Variants in CELSR2 observed in about 807,000 individuals in gnomAD.
CELSR2 encodes EGF-like protein 2.
Under a neutral mutation model 251.6 loss-of-function variants are expected in CELSR2, and 81 were observed. The ratio of observed to expected loss-of-function variants is 0.32; its 90% CI spans 0.27 to 0.39. The LOEUF is 0.39. Among genes scored for constraint, CELSR2 ranks in the 10% least tolerant of loss-of-function variants. The probability of loss-of-function intolerance (pLI) is 1.00; values close to 1 mark genes in which losing one functional copy is unlikely to be tolerated. For missense variants in CELSR2, 3,365 were observed against 3,947.7 expected (o/e 0.85, Z 3.96); for synonymous variants, 1,721 against 1,670.5 (o/e 1.03, Z -0.74).
Position 109,268,979 on chromosome 1 carries a change from C to T in CELSR2, c.6602C>T (p.Thr2201Ile). ...GAGCAGCCCCCGGACCTTGAGACAACAGTCATTCTGCCTGAGTCTGTCTTC... is the reference window on the plus strand; with the variant it reads ...GAGCAGCCCCCGGACCTTGAGACAATAGTCATTCTGCCTGAGTCTGTCTTC... ...RGEQPPDLETTVILPESVFRE... is the reference protein window; with the variant it reads ...RGEQPPDLETIVILPESVFRE... The change falls in exon 19 of 34, where the codon ACA becomes ATA. Residue 2201 changes from threonine (T) to isoleucine (I), a missense_variant. Around this residue, in one of 5 missense-constraint regions of CELSR2, gnomAD observed 2,093 missense variants for 2,382.8 expected, o/e 0.88. Coordinates refer to ENST00000271332, the MANE Select transcript of CELSR2 (RefSeq NM_001408.3). 6.2e-7 allele frequency: 1 copy of T among 1,613,374 alleles called. No individual in the cohort carries two copies. The highest frequency in any genetic ancestry group is 1.1e-5 in the South Asian group (1 of 91,034).
chr1:109,272,182 G>A (rs1466319372), intron 28 of CELSR2, 96 bp from the exon 29 acceptor site: 10 of 1,438,096 alleles, frequency 7.0e-6, no homozygotes, highest in Non-Finnish European at 6.6e-6. Flanking sequence ...CATGTGGAAG[G>A]TGGAACTTAG....
intron 1 of CELSR2, among the ~76,000 whole-genome samples, chr1:109,255,188 C>G: frequency 6.6e-6 from 1 of 152,204 alleles, no homozygotes; most frequent in East Asian, 1.9e-4. Context: ...TCAGGGAGGC[C>G]GGGGTGAGGG....
Position 109,258,463 on chromosome 1 carries a change from G to C in CELSR2, c.3342G>C (p.Ala1114=), listed in dbSNP as rs762995944. 1 of 1,603,230 alleles carries C rather than the reference G, an allele frequency of 6.2e-7. No individual in the cohort carries two copies. The highest frequency in any genetic ancestry group is 8.5e-7 in the Non-Finnish European group (1 of 1,175,124). ...DGVHSVTAQC[A]LRVTIITDEM... Reference sequence around the variant, plus strand: ...TACACAGCGTGACCGCCCAGTGCGCGCTGCGTGTGACCATCATCACCGATG... The same window carrying C: ...TACACAGCGTGACCGCCCAGTGCGCCCTGCGTGTGACCATCATCACCGATG... Residue 1114 remains alanine, a synonymous_variant, in exon 2 of 34, where the codon GCG becomes GCC. Transcript: ENST00000271332.
chr1:109,263,832 C>T, intron 9 of CELSR2, 55 bp downstream of exon 9: 2 of 1,579,638 alleles, frequency 1.3e-6, no homozygotes, highest in Non-Finnish European at 1.7e-6. Context: ...CTGGTAGCCT[C>T]TAGGCGGCTG....
Position 109,249,641 on chromosome 1 carries a change from C to A in CELSR2, c.-439C>A, listed in dbSNP as rs1247451368. 6.8e-6 allele frequency among the ~76,000 whole-genome samples: 1 copy of A among 146,360 alleles called. No individual in the cohort carries two copies. Among genetic ancestry groups the A allele is most frequent in the Non-Finnish European group, 1.5e-5 (1 of 65,860 alleles). Reference sequence around the variant, plus strand: ...GGCGGGGACGCGGGGCGCGAGCGGGCGGCGCGGGACCGTCGGGGGCCGCCG... The same window carrying A: ...GGCGGGGACGCGGGGCGCGAGCGGGAGGCGCGGGACCGTCGGGGGCCGCCG... On this transcript the variant is annotated 5_prime_UTR_variant, in exon 1 of 34. Transcript: ENST00000271332.
Position 109,273,047 on chromosome 1 carries a change from G to C in CELSR2, c.8338+20G>C. 1 of 1,601,662 alleles carries C rather than the reference G, an allele frequency of 6.2e-7. No homozygotes were observed. The highest frequency in any genetic ancestry group is 8.5e-7 in the Non-Finnish European group (1 of 1,172,700). On this transcript the variant is annotated intron_variant, in intron 31 of 33. Coordinates refer to ENST00000271332, the MANE Select transcript of CELSR2 (RefSeq NM_001408.3). Reference sequence around the variant, plus strand: ...CCAAGGGTGGGCCAGCACTGGGGCTGTGGCCTTTGGGGCCAGTGGGAGGAC... The same window carrying C: ...CCAAGGGTGGGCCAGCACTGGGGCTCTGGCCTTTGGGGCCAGTGGGAGGAC...
In CELSR2 at chr1:109,250,757, C is replaced by T. The variant is rs1352650689; in HGVS notation, c.678C>T (p.Ser226=). 1.2e-6 allele frequency: 2 copies of T among 1,614,126 alleles called. No individual in the cohort carries two copies. Among genetic ancestry groups the T allele is most frequent in the East Asian group, 4.5e-5 (2 of 44,888 alleles). The change falls in exon 1 of 34, where the codon AGC becomes AGT. Residue 226 remains serine, a synonymous_variant. Transcript: ENST00000271332. The surrounding 1 kb of genome is among the most constrained non-coding windows in gnomAD (Gnocchi z 4.4). ...LEYTMDALFD[S]RSNQFFSLDP... ...ACACCATGGATGCCCTCTTTGATAG[C>T]CGCTCCAACCAGTTCTTCTCCCTGG...
In CELSR2 at chr1:109,274,221, T is replaced by G. The variant is rs553479346; in HGVS notation, c.*172T>G. 5.4e-6 allele frequency: 8 copies of G among 1,481,556 alleles called. No homozygotes were observed. The highest frequency in any genetic ancestry group is 2.2e-5 in the Admixed American group (1 of 45,420). The allele number at this position is 1,481,556 out of a possible 1,614,324, so 91.8% of individuals were successfully genotyped here. ...TGCCGGGAGGGGTACTCACCCCACCTAAGGCCATCTAGTGCCAACTCCCCC... is the reference window on the plus strand; with the variant it reads ...TGCCGGGAGGGGTACTCACCCCACCGAAGGCCATCTAGTGCCAACTCCCCC... On this transcript the variant is annotated 3_prime_UTR_variant, in exon 34 of 34. Transcript: ENST00000271332.
At position 109,261,693 on chromosome 1, in the gene CELSR2, C is replaced by A. The variant is rs570900760; in HGVS notation, c.4297+65C>A. The A allele has an allele frequency of 7.7e-6, 12 of 1,561,742 alleles. No homozygotes were observed. The East Asian group carries it at 2.2e-4, about 29-fold the overall frequency. The stretch of plus-strand genomic sequence containing the variant: ...GGCCCCAAGTCTTCCAGCCCCTGAC[C>A]CCAAGCCACATACTCTATCAGCCAA... On this transcript the variant is annotated intron_variant, in intron 4 of 33. Transcript: ENST00000271332. The surrounding 1 kb of genome is among the most constrained non-coding windows in gnomAD (Gnocchi z 4.8).
At position 109,262,395 on chromosome 1, in the gene CELSR2, C is replaced by A. The variant is rs748119118; in HGVS notation, c.4495C>A (p.Leu1499Met). The change falls in exon 6 of 34, where the codon CTG (leucine) becomes ATG (methionine). Residue 1499 changes from leucine to methionine, a missense_variant. Around this residue, in one of 5 missense-constraint regions of CELSR2, gnomAD observed 2,093 missense variants for 2,382.8 expected, o/e 0.88. Coordinates refer to ENST00000271332, the MANE Select transcript of CELSR2 (RefSeq NM_001408.3). Reference protein sequence around the residue: ...TGVALRFGSVLGNYSCAAQGT... With the variant: ...TGVALRFGSVMGNYSCAAQGT... ...AGTGGCCTTGCGCTTCGGATCTGTC[C>A]TGGGCAACTACTCCTGTGCTGCCCA... 2 of 1,614,186 alleles carry A rather than the reference C, an allele frequency of 1.2e-6. No individual in the cohort carries two copies. The highest frequency in any genetic ancestry group is 1.3e-5 in the African/African-American group (1 of 75,062).
chr1:109,264,144 G>C lies in CELSR2; in HGVS notation c.5068G>C (p.Glu1690Gln). 1 of 1,607,252 alleles carries C rather than the reference G, an allele frequency of 6.2e-7. No homozygotes were observed. Among genetic ancestry groups the C allele is most frequent in the East Asian group, 2.2e-5 (1 of 44,668 alleles). Reference sequence around the variant, plus strand: ...GCTTCAGGCCTCCTCTCTCCGTCTGGAGCCAGGCCGGGCCAATGACGGTGA... The same window carrying C: ...GCTTCAGGCCTCCTCTCTCCGTCTGCAGCCAGGCCGGGCCAATGACGGTGA... Reference protein sequence around the residue: ...TGLQASSLRLEPGRANDGDWH... With the variant: ...TGLQASSLRLQPGRANDGDWH... The change falls in exon 10 of 34, where the codon GAG becomes CAG. Residue 1690 changes from glutamate to glutamine, a missense_variant. By Grantham distance (29) the Glu-to-Gln change is conservative. Coordinates refer to ENST00000271332, the MANE Select transcript of CELSR2 (RefSeq NM_001408.3).
Position 109,272,285 on chromosome 1 carries a change from A to T in CELSR2, c.7934A>T (p.Asn2645Ile), listed in dbSNP as rs1010643896. The T allele has an allele frequency of 1.9e-6, 3 of 1,594,038 alleles. No individual in the cohort carries two copies. In the African/African-American group the frequency reaches 4.0e-5, roughly 21 times the overall value. ...TTKSTLTSSY[N>I]CPSPYADGRL... ...TCTCTGTTCCCTGCCTAGTCCTACA[A>T]CTGCCCCAGCCCCTACGCAGATGGG... Residue 2645 changes from asparagine (N) to isoleucine (I), a missense_variant, in exon 29 of 34, where the codon AAC (asparagine) becomes ATC (isoleucine). By Grantham distance (149) the Asn-to-Ile change is moderately radical (BLOSUM62 -3). Transcript: ENST00000271332.
chr1:109,269,660 T>G lies in CELSR2; in HGVS notation c.6981-34T>G, dbSNP rs1466847995. ...GTCCAGGCCCCTGCATGCCTCACCC[T>G]CCTTGTCTCCCTGACCCTGCCTTCC... is the stretch of plus-strand genomic sequence containing the variant. On this transcript the variant is annotated intron_variant, in intron 21 of 33. Coordinates refer to ENST00000271332, the MANE Select transcript of CELSR2 (RefSeq NM_001408.3). The surrounding 1 kb of genome is among the most constrained non-coding windows in gnomAD (Gnocchi z 6.4). 1.9e-6 allele frequency: 3 copies of G among 1,613,946 alleles called. No homozygotes were observed. Among genetic ancestry groups the G allele is most frequent in the Non-Finnish European group, 2.5e-6 (3 of 1,179,886 alleles).
Position 109,261,187 on chromosome 1 carries a change from C to T in CELSR2, c.4104C>T (p.Thr1368=). Residue 1368 remains threonine, a synonymous_variant, in exon 3 of 34, where the codon ACC becomes ACT. Transcript: ENST00000271332. This position sits in a 1 kb window ranked among gnomAD's most constrained non-coding sequence, Gnocchi z 4.8. The part of the protein sequence containing the change: ...GDFEKPYCQV[T]TRSFPAHSFI... ...TCGAGAAGCCCTACTGCCAGGTGAC[C>T]ACGCGCAGCTTCCCCGCCCACTCCT... The T allele has an allele frequency of 6.2e-7, 1 of 1,614,168 alleles. No individual in the cohort carries two copies. Among genetic ancestry groups the T allele is most frequent in the African/African-American group, 1.3e-5 (1 of 75,056 alleles).
At chr1:109,253,534 C>T in intron 1 of CELSR2, 145 bp downstream of exon 1, 1 of 1,421,722 alleles carries the variant, frequency 7.0e-7, no homozygotes, top group Non-Finnish European at 9.2e-7. Flanking sequence ...GGGGCAAGAG[C>T]CAGCTTGGGA....
intron 1 of CELSR2, among the ~76,000 whole-genome samples, chr1:109,257,986 T>G (rs1437461195): frequency 6.6e-6 from 1 of 152,184 alleles, no homozygotes; most frequent in Non-Finnish European, 1.5e-5. Flanking sequence ...AACTCCCTGC[T>G]GCTGTGGGGG....
At chr1:109,272,799 C>T in intron 30 of CELSR2, 34 bp from the exon 31 acceptor site, 1 of 1,612,818 alleles carries the variant, frequency 6.2e-7, no homozygotes, top group African/African-American at 1.3e-5. Context: ...GTGGAGGTGG[C>T]TGGGCTGGCT....
chr1:109,251,228 C>T lies in CELSR2; in HGVS notation c.1149C>T (p.Ala383=), dbSNP rs371403541. Residue 383 remains alanine, a synonymous_variant, in exon 1 of 34, where the codon GCC becomes GCT. Transcript: ENST00000271332. The surrounding 1 kb of genome is among the most constrained non-coding windows in gnomAD (Gnocchi z 4.9). ...ACCCGGGTCCTCGGAGTACCACAGC[C>T]GCTGTTTTCCTTTCTGTGGAGGATG... ...GRDPGPRSTT[A]AVFLSVEDDN... The T allele has an allele frequency of 5.0e-6, 8 of 1,613,990 alleles. No homozygotes were observed. Among genetic ancestry groups the T allele is most frequent in the South Asian group, 2.2e-5 (2 of 91,076 alleles).
chr1:109,256,510 C>G (rs1222873444), intron 1 of CELSR2, among the ~76,000 whole-genome samples: 1 of 152,222 alleles, frequency 6.6e-6, no homozygotes, highest in Non-Finnish European at 1.5e-5. Context: ...CAAGTAGGTA[C>G]AACACAGATG....
Sources: gnomAD v4.1 joint callset for allele counts (sites outside exome capture counted in the v4.1 genomes callset) on GRCh38, gnomAD v4.1.1 for gene constraint, gnomAD v4.1.1 regional missense constraint, Gnocchi (gnomAD v3.1) non-coding constraint, MANE v1.5 for transcripts, NCBI Gene and HGNC (gene_info 2026-07-23, HGNC 2026-07-21) for gene names.